The following PDGFRL variants were observed in gnomAD, a reference collection of about 807,000 sequenced individuals.
PDGFRL encodes platelet-derived growth factor receptor-like protein.
Under a neutral mutation model 37.2 loss-of-function variants are expected in PDGFRL, and 46 were observed. The observed-to-expected ratio is 1.24, with a 90% CI of 0.98 to 1.58. The LOEUF (loss-of-function observed/expected upper bound fraction) is 1.58, where lower values mean the gene tolerates loss of function less well. Among genes scored for constraint, PDGFRL ranks in the 40% most tolerant of loss-of-function variants. The pLI is 0.00. For synonymous variants in PDGFRL, 251 were observed against 184.3 expected, an observed-to-expected ratio of 1.36 and a Z score of -2.93; for missense variants, 692 against 467.6, an observed-to-expected ratio of 1.48 and a Z score of -4.43.
chr8:17,596,635 G>C (rs1804058620), intron 2 of PDGFRL, among the ~76,000 whole-genome samples: 1 of 152,158 alleles, frequency 6.6e-6, no homozygotes, highest in African/African-American at 2.4e-5. Flanking sequence ...TTAATCTGAA[G>C]AGAAATATTC....
upstream of PDGFRL, chr8:17,577,152 C>CTT: frequency 6.6e-7 from 1 of 1,518,028 alleles, no homozygotes; most frequent in Non-Finnish European, 8.8e-7. Flanking sequence ...AATCCTCCCG[C>CTT]TTCGGCGTCC....
At chr8:17,641,105 C>G (rs574897676) in intron 5 of PDGFRL, among the ~76,000 whole-genome samples, 1 of 152,124 alleles carries the variant, frequency 6.6e-6, no homozygotes, top group African/African-American at 2.4e-5. Flanking sequence ...CCCAAAGGGC[C>G]GGTCTCACTC....
At chr8:17,616,708 C>T (rs1165597064) in intron 2 of PDGFRL, among the ~76,000 whole-genome samples, 2 of 152,166 alleles carry the variant, frequency 1.3e-5, no homozygotes, top group African/African-American at 4.8e-5. Context: ...CCTCGGAGTT[C>T]TCATGGCATG....
chr8:17,595,431 A>T lies in PDGFRL; in HGVS notation c.353+5666A>T, dbSNP rs1313123120. 2.0e-5 allele frequency among the ~76,000 whole-genome samples: 3 copies of T among 152,124 alleles called. No individual in the cohort carries two copies. The East Asian group carries it at 5.8e-4, about 29-fold the overall frequency. On this transcript the variant is annotated intron_variant, in intron 2 of 5. Coordinates refer to ENST00000251630, the MANE Select transcript of PDGFRL (RefSeq NM_001372073.1). The stretch of plus-strand genomic sequence containing the variant: ...CTCGGGTAGGGGCCATGCCCCACCT[A>T]GGTAGCCGCCCTATTTTGGATCCCG...
chr8:17,626,523 C>A (rs562206698), intron 3 of PDGFRL, among the ~76,000 whole-genome samples: 116 of 152,220 alleles, frequency 7.6e-4, no homozygotes, highest in African/African-American at 2.7e-3. Flanking sequence ...AATTCTGCCC[C>A]CAACCTAAAA....
intron 2 of PDGFRL, among the ~76,000 whole-genome samples, chr8:17,605,713 T>C (rs1055885297): frequency 7.9e-5 from 12 of 152,238 alleles, no homozygotes; most frequent in African/African-American, 2.7e-4. Context: ...GCTGATGTGG[T>C]AATAAGCCCT....
intron 5 of PDGFRL, among the ~76,000 whole-genome samples, chr8:17,634,477 G>A (rs907657858): frequency 1.3e-5 from 2 of 151,280 alleles, no homozygotes; most frequent in East Asian, 3.9e-4. Context: ...CTCTTCATAT[G>A]CAGGTTTTTT....
chr8:17,601,893 T>G (rs761859369), intron 2 of PDGFRL, among the ~76,000 whole-genome samples: 21 of 152,228 alleles, frequency 1.4e-4, no homozygotes, highest in Non-Finnish European at 2.6e-4. Context: ...GGTTGATTCC[T>G]TGTCTTTGCT....
chr8:17,641,820 G>A (rs1430947607), intron 5 of PDGFRL, among the ~76,000 whole-genome samples: 6 of 149,020 alleles, frequency 4.0e-5, no homozygotes, highest in Admixed American at 2.0e-4. Context: ...AGTGTTTTCC[G>A]GCATCCTGGT....
intron 5 of PDGFRL, among the ~76,000 whole-genome samples, chr8:17,638,612 T>G (rs1047944918): frequency 1.3e-5 from 2 of 151,396 alleles, no homozygotes; most frequent in African/African-American, 4.8e-5. Flanking sequence ...ATGTTCTGTC[T>G]TGATTACCTA....
chr8:17,639,570 T>C (rs55977278), intron 5 of PDGFRL, among the ~76,000 whole-genome samples: 3,734 of 152,262 alleles, frequency 0.025, 148 homozygotes, highest in African/African-American at 0.085. Context: ...TCTTAGATGA[T>C]GATTCTTTTG....
intron 2 of PDGFRL, among the ~76,000 whole-genome samples, chr8:17,589,967 C>G (rs889432631): frequency 6.6e-6 from 1 of 151,982 alleles, no homozygotes; most frequent in Non-Finnish European, 1.5e-5. Flanking sequence ...TGCGGTGGCT[C>G]ATGCCTGTAA....
chr8:17,592,193 T>C (rs1304743624), intron 2 of PDGFRL, among the ~76,000 whole-genome samples: 1 of 152,212 alleles, frequency 6.6e-6, no homozygotes, highest in East Asian at 1.9e-4. Flanking sequence ...ATAATAGCTG[T>C]TCTTACCATG....
Position 17,641,106 on chromosome 8 carries a change from G to A in PDGFRL, c.940-1507G>A, listed in dbSNP as rs182137452. On this transcript the variant is annotated intron_variant, in intron 5 of 5. Transcript: ENST00000251630. ...CAGCTCCCACGTAGCCCAAAGGGCC[G>A]GTCTCACTCCCTCTGTCCCTGCCAA... Among the ~76,000 whole-genome samples the A allele has an allele frequency of 2.3e-3, 344 of 152,214 alleles. 1 individual carries two copies. The highest frequency in any genetic ancestry group is 3.7e-3 in the Non-Finnish European group (255 of 68,008).
At chr8:17,641,484 CTG>C (rs1397688345) in intron 5 of PDGFRL, among the ~76,000 whole-genome samples, 1 of 152,170 alleles carries the variant, frequency 6.6e-6, no homozygotes, top group African/African-American at 2.4e-5. Context: ...CTTTCTATTC[CTG>C]TGTTTCACTT....
chr8:17,593,967 T>C (rs1311647439), intron 2 of PDGFRL, among the ~76,000 whole-genome samples: 1 of 152,100 alleles, frequency 6.6e-6, no homozygotes, highest in Non-Finnish European at 1.5e-5. Flanking sequence ...GGTTGTATAA[T>C]AGACCTCTAG....
At chr8:17,623,643 G>A (rs377620550) in intron 3 of PDGFRL, among the ~76,000 whole-genome samples, 19 of 152,218 alleles carry the variant, frequency 1.2e-4, no homozygotes, top group African/African-American at 3.1e-4. Context: ...GGGAGGCCAC[G>A]GCGGGCGGAT....
intron 1 of PDGFRL, among the ~76,000 whole-genome samples, chr8:17,588,212 A>G (rs978554440): frequency 5.3e-5 from 8 of 152,188 alleles, no homozygotes; most frequent in African/African-American, 7.2e-5. Context: ...GAAATTCTAA[A>G]TCGTTGCTAC....
At chr8:17,594,041 C>T (rs1390096033) in intron 2 of PDGFRL, among the ~76,000 whole-genome samples, 1 of 152,054 alleles carries the variant, frequency 6.6e-6, no homozygotes, top group Non-Finnish European at 1.5e-5. Context: ...GCATTCTTTC[C>T]TGGCAGTCAC....
Sources: allele counts gnomAD v4.1 joint callset (sites outside exome capture counted in the v4.1 genomes callset), GRCh38; gene constraint gnomAD v4.1.1; transcripts MANE v1.5; gene names NCBI Gene and HGNC (gene_info 2026-07-23, HGNC 2026-07-21).